The following SLC9A9 variants were observed in gnomAD, a reference collection of about 807,000 sequenced individuals.
The protein encoded by SLC9A9 is solute carrier family 9 member A9.
A neutral mutation model predicts 77.8 loss-of-function variants in SLC9A9; 62 were observed. The ratio of observed to expected loss-of-function variants is 0.80; its 90% CI spans 0.65 to 0.98. The LOEUF (loss-of-function observed/expected upper bound fraction) is 0.98, where lower values mean the gene tolerates loss of function less well. Ranked by LOEUF, SLC9A9 falls within the 50% of genes least tolerant of loss-of-function variation. The pLI is 0.00. For missense variants in SLC9A9, 775 were observed against 774.9 expected, an observed-to-expected ratio of 1.00 and a Z score of 0.00; for synonymous variants, 320 against 283.5, an observed-to-expected ratio of 1.13 and a Z score of -1.29.
intron 14 of SLC9A9, among the ~76,000 whole-genome samples, chr3:143,328,739 G>A (rs557515623): frequency 2.0e-5 from 3 of 152,318 alleles, no homozygotes; most frequent in Admixed American, 2.0e-4. Context: ...TTAGCTGCTA[G>A]AAGATGTTTG....
intron 2 of SLC9A9, among the ~76,000 whole-genome samples, chr3:143,798,056 C>T (rs1336979473): frequency 6.6e-6 from 1 of 152,166 alleles, no homozygotes; most frequent in Non-Finnish European, 1.5e-5. Flanking sequence ...GACTAACCAG[C>T]CCAAGGAACA....
chr3:143,284,595 C>G (rs1222393579), intron 14 of SLC9A9, among the ~76,000 whole-genome samples: 2 of 151,906 alleles, frequency 1.3e-5, no homozygotes, highest in African/African-American at 4.8e-5. Flanking sequence ...TAATATAATA[C>G]CAGTTTCTAA....
chr3:143,574,284 C>A (rs987318906), intron 7 of SLC9A9, 91 bp from the exon 8 acceptor site: 78 of 1,038,840 alleles, frequency 7.5e-5, no homozygotes, highest in Middle Eastern at 2.0e-4. Context: ...GTGATGATAG[C>A]TCTAGAGCAA....
chr3:143,565,135 A>C (rs947189675), intron 8 of SLC9A9, among the ~76,000 whole-genome samples: 2 of 152,110 alleles, frequency 1.3e-5, no homozygotes, highest in Non-Finnish European at 2.9e-5. Context: ...TTCCATGTGG[A>C]TATTCTACCC....
chr3:143,442,207 C>A (rs769980987), intron 12 of SLC9A9, among the ~76,000 whole-genome samples: 1 of 152,280 alleles, frequency 6.6e-6, no homozygotes, highest in African/African-American at 2.4e-5. Context: ...CAATTTTATA[C>A]AAACAAGATG....
intron 4 of SLC9A9, among the ~76,000 whole-genome samples, chr3:143,759,451 T>C (rs1207141118): frequency 6.6e-6 from 1 of 152,132 alleles, no homozygotes; most frequent in South Asian, 2.1e-4. Context: ...GCAGGCACTA[T>C]GCAATATCTA....
chr3:143,372,032 A>G, intron 13 of SLC9A9: 1 of 416,804 alleles, frequency 2.4e-6, no homozygotes. Flanking sequence ...GATCTCTATG[A>G]GTAGAACTAC....
intron 6 of SLC9A9, among the ~76,000 whole-genome samples, chr3:143,589,882 C>T (rs947511196): frequency 6.6e-6 from 1 of 152,118 alleles, no homozygotes; most frequent in African/African-American, 2.4e-5. Context: ...CGAACATACA[C>T]CCCAACTTCA....
chr3:143,683,912 T>A (rs1172683034), intron 5 of SLC9A9, among the ~76,000 whole-genome samples: 1 of 152,012 alleles, frequency 6.6e-6, no homozygotes, highest in East Asian at 1.9e-4. Flanking sequence ...AGCAAAAATA[T>A]ACATGTCTCA....
intron 6 of SLC9A9, among the ~76,000 whole-genome samples, chr3:143,622,700 G>A (rs1208281547): frequency 6.6e-6 from 1 of 152,186 alleles, no homozygotes; most frequent in East Asian, 1.9e-4. Flanking sequence ...GGAAGAAACT[G>A]CATCAACTAA....
At chr3:143,494,245 G>A (rs1229802406) in intron 10 of SLC9A9, among the ~76,000 whole-genome samples, 1 of 152,156 alleles carries the variant, frequency 6.6e-6, no homozygotes. Flanking sequence ...AATTAATTTT[G>A]AGAGGAATTA....
chr3:143,467,727 AAGAGAG>A (rs111531862), intron 11 of SLC9A9, among the ~76,000 whole-genome samples: 19,306 of 144,736 alleles, frequency 0.13, 1,608 homozygotes, highest in African/African-American at 0.24. Context: ...CCTGGCTCTA[AAGAGAG>A]AGAGAGAGAG....
intron 11 of SLC9A9, among the ~76,000 whole-genome samples, chr3:143,470,079 G>C (rs1473961901): frequency 1.3e-5 from 2 of 152,146 alleles, no homozygotes; most frequent in African/African-American, 4.8e-5. Context: ...AGAACTCAAG[G>C]AAACAGTCGT....
chr3:143,734,752 A>AG (rs1455748373), intron 4 of SLC9A9, among the ~76,000 whole-genome samples: 2 of 150,186 alleles, frequency 1.3e-5, no homozygotes, highest in Admixed American at 1.3e-4. Context: ...AAAAAAAAAA[A>AG]GATACGTAGA....
intron 12 of SLC9A9, among the ~76,000 whole-genome samples, chr3:143,390,438 G>A (rs922936203): frequency 4.6e-5 from 7 of 152,178 alleles, no homozygotes; most frequent in Non-Finnish European, 7.4e-5. Context: ...TATGTCATAG[G>A]CTGTTGTGGG....
intron 5 of SLC9A9, among the ~76,000 whole-genome samples, chr3:143,692,653 A>G (rs2108782237): frequency 6.6e-6 from 1 of 152,320 alleles, no homozygotes; most frequent in Admixed American, 6.5e-5. Context: ...TCAAAAGAAG[A>G]GAAGATATAT....
At chr3:143,450,295 A>G (rs1296412757) in intron 12 of SLC9A9, among the ~76,000 whole-genome samples, 1 of 147,370 alleles carries the variant, frequency 6.8e-6, no homozygotes, top group Non-Finnish European at 1.5e-5. Flanking sequence ...TTTAATACAA[A>G]TTTAAATAAA....
intron 5 of SLC9A9, chr3:143,655,522 A>G (rs1576637409): frequency 1.0e-6 from 1 of 985,352 alleles, no homozygotes; most frequent in Non-Finnish European, 1.2e-6. Flanking sequence ...TTAGTGGCAG[A>G]TTTTCATGCT....
chr3:143,649,165 T>C (rs929669915), intron 6 of SLC9A9, among the ~76,000 whole-genome samples: 1 of 152,230 alleles, frequency 6.6e-6, no homozygotes, highest in African/African-American at 2.4e-5. Context: ...GAAATTAAGA[T>C]TTTTGTTCAG....
Sources: gnomAD v4.1 joint callset for allele counts (sites outside exome capture counted in the v4.1 genomes callset) on GRCh38, gnomAD v4.1.1 for gene constraint, MANE v1.5 for transcripts, NCBI Gene and HGNC (gene_info 2026-07-23, HGNC 2026-07-21) for gene names.